The following SLC7A10 variants were observed in gnomAD, a reference collection of about 807,000 sequenced individuals.
The protein encoded by SLC7A10 is solute carrier family 7 member 10.
SLC7A10 carries 30 observed loss-of-function variants against 52.7 expected under a neutral mutation model. The ratio of observed to expected loss-of-function variants is 0.57; its 90% CI spans 0.43 to 0.77. SLC7A10 has a LOEUF of 0.77. Ranked by LOEUF, SLC7A10 falls within the 30% of genes least tolerant of loss-of-function variation. The pLI is 0.00. For synonymous variants in SLC7A10, 318 were observed against 314.9 expected, an observed-to-expected ratio of 1.01 and a Z score of -0.10; for missense variants, 581 against 698.5, an observed-to-expected ratio of 0.83 and a Z score of 1.90.
In SLC7A10 at chr19:33,211,000, C is replaced by A. The variant is rs540377159; in HGVS notation, c.1017-102G>T. On this transcript the variant is annotated intron_variant, in intron 7 of 10. Coordinates refer to ENST00000253188, the MANE Select transcript of SLC7A10 (RefSeq NM_019849.3). This position sits in a 1 kb window ranked among gnomAD's most constrained non-coding sequence, Gnocchi z 5.6. ...CGCCTCTGACCTCCTGCTCCGGGCCCAGCAGCCCCACTGGACAGTTCTCCC... is the reference window on the plus strand; with the variant it reads ...CGCCTCTGACCTCCTGCTCCGGGCCAAGCAGCCCCACTGGACAGTTCTCCC... 8.5e-7 allele frequency: 1 copy of A among 1,178,378 alleles called. No homozygotes were observed. The highest frequency in any genetic ancestry group is 1.3e-5 in the South Asian group (1 of 79,166). 73.0% of individuals were successfully genotyped at this position (1,178,378 alleles called of 1,614,324 possible).
chr19:33,223,655 C>T (rs1256401532), intron 1 of SLC7A10, among the ~76,000 whole-genome samples: 1 of 152,094 alleles, frequency 6.6e-6, no homozygotes, highest in East Asian at 1.9e-4. Flanking sequence ...AAAGGCTCCC[C>T]GGGCCAGGCC....
rs528453616 is a variant in SLC7A10 at position 33,210,231 on chromosome 19, C to T, written c.1263+236G>A. On this transcript the variant is annotated intron_variant, in intron 9 of 10. Transcript: ENST00000253188. This position sits in a 1 kb window ranked among gnomAD's most constrained non-coding sequence, Gnocchi z 5.6. ...CCAAAGTGCTGGAATAGGCATGAGC[C>T]CCTGTGCCCAGTCCTGAGCCTCATT... 6.6e-6 allele frequency among the ~76,000 whole-genome samples: 1 copy of T among 152,276 alleles called. No individual in the cohort carries two copies. The highest frequency in any genetic ancestry group is 1.9e-4 in the East Asian group (1 of 5,178).
chr19:33,211,302 G>C lies in SLC7A10; in HGVS notation c.939C>G (p.Tyr313Ter). Residue 313 changes from tyrosine (Y) to a stop codon, truncating the protein, a stop_gained, in exon 7 of 11, where the codon TAC becomes TAG. Transcript: ENST00000253188. LOFTEE classifies it high-confidence loss of function. ...CGGAGACAGGCATGACCCAAGAAAA[G>C]TAGCCCAGCAGCTTCTCCCCGAAGG... Reference protein sequence around the residue: ...AVTFGEKLLGYFSWVMPVSVA... With the variant: ...AVTFGEKLLG The C allele has an allele frequency of 6.2e-7, 1 of 1,614,012 alleles. No homozygotes were observed. The highest frequency in any genetic ancestry group is 8.5e-7 in the Non-Finnish European group (1 of 1,180,020).
rs796616779 is a variant in SLC7A10, at chr19:33,213,098, C to T, written c.357-96G>A. 151 of 1,510,280 alleles carry T rather than the reference C, an allele frequency of 1.0e-4. 1 individual carries two copies. In the African/African-American group the frequency reaches 1.2e-3, roughly 12 times the overall value. 93.6% of individuals were successfully genotyped at this position (1,510,280 alleles called of 1,614,324 possible). ...TGCAGCAGGGCTGCCCTGGGCCTGG[C>T]GCCCGGGGGCTGGCGAGGCTGCCAG... On this transcript the variant is annotated intron_variant, in intron 2 of 10. Coordinates refer to ENST00000253188, the MANE Select transcript of SLC7A10 (RefSeq NM_019849.3).
chr19:33,209,622 C>T lies in SLC7A10; in HGVS notation c.1264-137G>A, dbSNP rs904686835. The stretch of plus-strand genomic sequence containing the variant: ...AGGGCAATTGCACCCACTACACCCC[C>T]TCTTGGCGACAGCCCAGTGTGTTGG... On this transcript the variant is annotated intron_variant, in intron 9 of 10. Coordinates refer to ENST00000253188, the MANE Select transcript of SLC7A10 (RefSeq NM_019849.3). 9.2e-6 allele frequency: 8 copies of T among 870,474 alleles called. No individual in the cohort carries two copies. In the African/African-American group the frequency reaches 1.2e-4, roughly 13 times the overall value. 53.9% of individuals were successfully genotyped at this position (870,474 alleles called of 1,614,324 possible).
At position 33,210,701 on chromosome 19, in the gene SLC7A10, C is replaced by T; in HGVS notation, c.1114-85G>A. 6.2e-7 allele frequency: 1 copy of T among 1,608,342 alleles called. No individual in the cohort carries two copies. The highest frequency in any genetic ancestry group is 1.1e-5 in the South Asian group (1 of 90,854). ...GATGAGCCCTGGCCCCACCCCCAAC[C>T]CCCACCCTGGAATGGCTCACCCCTG... On this transcript the variant is annotated intron_variant, in intron 8 of 10. Transcript: ENST00000253188. This position sits in a 1 kb window ranked among gnomAD's most constrained non-coding sequence, Gnocchi z 5.6.
intron 10 of SLC7A10, 43 bp from the exon 11 acceptor site, chr19:33,209,064 TA>T (rs761359248): frequency 1.9e-6 from 3 of 1,611,246 alleles, no homozygotes; most frequent in Non-Finnish European, 2.5e-6. Flanking sequence ...CCTCTCGGGA[TA>T]GGGGTGACCC....
At chr19:33,215,425 C>A (rs1181648960) in intron 2 of SLC7A10, among the ~76,000 whole-genome samples, 1 of 152,130 alleles carries the variant, frequency 6.6e-6, no homozygotes, top group Non-Finnish European at 1.5e-5. Flanking sequence ...GTAAGAATCC[C>A]CCCTCCTTAA....
At chr19:33,221,167 A>G (rs1223585453) in intron 1 of SLC7A10, 1 of 149,282 alleles carries the variant, frequency 6.7e-6, no homozygotes, top group African/African-American at 2.6e-5. Flanking sequence ...CCTTGCTCAC[A>G]CTGAACCCCA....
rs80120440 is a variant in SLC7A10 at position 33,223,943 on chromosome 19, TCACCACCACCAC to T, written c.151+1598_151+1609del. ...ACTCCCACCACCACCACCTCTACCA[TCACCACCACCAC>T]CACCACCACCACCACCACCACCACC... On this transcript the variant is annotated intron_variant, in intron 1 of 10. Coordinates refer to ENST00000253188, the MANE Select transcript of SLC7A10 (RefSeq NM_019849.3). Among the ~76,000 whole-genome samples, 211 of 147,220 alleles carry T rather than the reference TCACCACCACCAC, an allele frequency of 1.4e-3. 1 individual carries two copies. The highest frequency in any genetic ancestry group is 5.1e-3 in the African/African-American group (203 of 39,540).
At chr19:33,212,774 C>T in intron 3 of SLC7A10, 77 bp downstream of exon 3, 3 of 1,606,476 alleles carry the variant, frequency 1.9e-6, no homozygotes, top group South Asian at 1.1e-5. Flanking sequence ...TTTCACCCCT[C>T]TGTCCTCCTG....
chr19:33,211,772 C>T (rs1298076990), intron 5 of SLC7A10: 2 of 643,744 alleles, frequency 3.1e-6, no homozygotes, highest in Non-Finnish European at 5.3e-6. Context: ...CCATCACATC[C>T]TGAGGACAGG....
At chr19:33,209,791 T>C (rs1440545950) in intron 9 of SLC7A10, among the ~76,000 whole-genome samples, 1 of 152,200 alleles carries the variant, frequency 6.6e-6, no homozygotes, top group Non-Finnish European at 1.5e-5. Context: ...TGTTTCACAT[T>C]TCAGGCACTG....
chr19:33,221,838 G>T (rs1225458846), intron 1 of SLC7A10, among the ~76,000 whole-genome samples: 1 of 152,220 alleles, frequency 6.6e-6, no homozygotes, highest in African/African-American at 2.4e-5. Context: ...ACCCAGGGGG[G>T]ACTCCCACTT....
rs184951310 is a variant in SLC7A10 at position 33,219,377 on chromosome 19, C to T, written c.152-3404G>A. On this transcript the variant is annotated intron_variant, in intron 1 of 10. Coordinates refer to ENST00000253188, the MANE Select transcript of SLC7A10 (RefSeq NM_019849.3). ...CATGCTGACCTATTTCTGGAGGCAG[C>T]GGCAGACCACTGAGGTCACAGGGGC... 5.9e-5 allele frequency among the ~76,000 whole-genome samples: 9 copies of T among 152,334 alleles called. No individual in the cohort carries two copies. The East Asian group carries it at 1.2e-3, about 20-fold the overall frequency.
chr19:33,225,523 C>A, intron 1 of SLC7A10, 30 bp downstream of exon 1: 1 of 1,593,914 alleles, frequency 6.3e-7, no homozygotes, highest in Middle Eastern at 1.9e-4. Context: ...CGGCCTCCGC[C>A]CGGCGCCCGC....
chr19:33,210,908 G>C lies in SLC7A10; in HGVS notation c.1017-10C>G. The C allele has an allele frequency of 6.2e-7, 1 of 1,612,668 alleles. No homozygotes were observed. Among genetic ancestry groups the C allele is most frequent in the Non-Finnish European group, 8.5e-7 (1 of 1,179,510 alleles). On this transcript the variant is annotated splice_polypyrimidine_tract_variant and intron_variant, in intron 7 of 10. Coordinates refer to ENST00000253188, the MANE Select transcript of SLC7A10 (RefSeq NM_019849.3). The surrounding 1 kb of genome is among the most constrained non-coding windows in gnomAD (Gnocchi z 5.6). ...TCCAGAGAAGCACAGCCTAGCGTTG[G>C]GGACAGATATGGGCACTGGCCACAT...
chr19:33,211,612 A>C (rs1974556728), intron 5 of SLC7A10, 75 bp from the exon 6 acceptor site: 1 of 1,610,232 alleles, frequency 6.2e-7, no homozygotes, highest in Non-Finnish European at 8.5e-7. Context: ...CCACGAGAGC[A>C]GCTCATAGTC....
chr19:33,212,671 G>A, intron 3 of SLC7A10, 32 bp from the exon 4 acceptor site: 1 of 1,613,182 alleles, frequency 6.2e-7, no homozygotes, highest in Middle Eastern at 1.7e-4. Context: ...GGGCGCCGAG[G>A]CCGGGACCTT....
Sources: allele counts gnomAD v4.1 joint callset (sites outside exome capture counted in the v4.1 genomes callset), GRCh38; gene constraint gnomAD v4.1.1; non-coding constraint Gnocchi (gnomAD v3.1); transcripts MANE v1.5; gene names NCBI Gene and HGNC (gene_info 2026-07-23, HGNC 2026-07-21).